SCNN1B: variants seen among roughly 807,000 people sequenced by gnomAD.
SCNN1B encodes sodium channel epithelial 1 subunit beta, also known as epithelial sodium channel subunit beta.
SCNN1B carries 46 observed loss-of-function variants against 65.3 expected under a neutral mutation model. The observed-to-expected ratio is 0.70, with a 90% CI of 0.56 to 0.90. The LOEUF (loss-of-function observed/expected upper bound fraction) is 0.90. Ranked by LOEUF, SCNN1B falls within the 40% of genes least tolerant of loss-of-function variation. SCNN1B has a pLI of 0.00. For missense variants in SCNN1B, 751 were observed against 830.5 expected (o/e 0.90, Z 1.18); for synonymous variants, 349 against 330.6 (o/e 1.06, Z -0.60).
Position 23,352,792 on chromosome 16 carries a change from C to G in SCNN1B, c.312-9C>G. Reference sequence around the variant, plus strand: ...TTCCTTCCCCCTAACCAGCCCTCTCCCCATCCAGGTATTCCAAAATCAAGC... The same window carrying G: ...TTCCTTCCCCCTAACCAGCCCTCTCGCCATCCAGGTATTCCAAAATCAAGC... On this transcript the variant is annotated splice_polypyrimidine_tract_variant and intron_variant, in intron 2 of 12. Coordinates refer to ENST00000343070, the MANE Select transcript of SCNN1B (RefSeq NM_000336.3). 1 of 1,614,100 alleles carries G rather than the reference C, an allele frequency of 6.2e-7. No individual in the cohort carries two copies. The highest frequency in any genetic ancestry group is 8.5e-7 in the Non-Finnish European group (1 of 1,180,008).
At chr16:23,368,625 C>T (rs567598673) in intron 5 of SCNN1B, among the ~76,000 whole-genome samples, 3 of 152,248 alleles carry the variant, frequency 2.0e-5, no homozygotes, top group Admixed American at 6.5e-5. Context: ...TATAGTAAAT[C>T]GTATCTACCG....
rs140556516 is a variant in SCNN1B, at chr16:23,327,421, T to C, written c.-8-21171T>C. The stretch of plus-strand genomic sequence containing the variant: ...GGTGGTGCACGCCTGTAATCCCAGC[T>C]ACTCAGGAGGCTGAAGCAGAGAGAA... On this transcript the variant is annotated intron_variant, in intron 1 of 12. Transcript: ENST00000343070. Among the ~76,000 whole-genome samples the C allele has an allele frequency of 2.7e-4, 41 of 152,104 alleles. No homozygotes were observed. In the East Asian group the frequency reaches 8.0e-3, roughly 30 times the overall value.
chr16:23,278,570 G>A (rs191520133), intron 1 of SCNN1B, among the ~76,000 whole-genome samples: 133 of 152,190 alleles, frequency 8.7e-4, no homozygotes, highest in Non-Finnish European at 1.5e-3. Context: ...AGTGGGAGAC[G>A]GGAGGGGGGT....
intron 2 of SCNN1B, among the ~76,000 whole-genome samples, chr16:23,349,820 G>A (rs768471937): frequency 8.6e-5 from 13 of 151,884 alleles, no homozygotes; most frequent in Non-Finnish European, 1.6e-4. Flanking sequence ...CAACTCAGCC[G>A]GGCACCATGG....
intron 1 of SCNN1B, among the ~76,000 whole-genome samples, chr16:23,337,291 T>C (rs1466669686): frequency 6.6e-6 from 1 of 152,062 alleles, no homozygotes; most frequent in Admixed American, 6.6e-5. Context: ...TGGACTCCAG[T>C]GATCCTCCTG....
chr16:23,361,011 G>A (rs1243017361), intron 4 of SCNN1B, among the ~76,000 whole-genome samples: 1 of 152,046 alleles, frequency 6.6e-6, no homozygotes, highest in Non-Finnish European at 1.5e-5. Flanking sequence ...AGCCAGGATG[G>A]TCTTGATCTC....
At position 23,380,118 on chromosome 16, in the gene SCNN1B, C is replaced by T. The variant is rs773518702; in HGVS notation, c.1491C>T (p.Ile497=). The change falls in exon 12 of 13, where the codon ATC becomes ATT. Residue 497 remains isoleucine (I), a synonymous_variant. Coordinates refer to ENST00000343070, the MANE Select transcript of SCNN1B (RefSeq NM_000336.3). The surrounding 1 kb of genome is among the most constrained non-coding windows in gnomAD (Gnocchi z 5.4). Reference sequence around the variant, plus strand: ...GGAAGGGAATTGTCAAGCTCAACATCTACTTCCAAGAATTTAACTATCGCA... The same window carrying T: ...GGAAGGGAATTGTCAAGCTCAACATTTACTTCCAAGAATTTAACTATCGCA... The part of the protein sequence containing the change: ...LSRKGIVKLN[I]YFQEFNYRTI... 2.5e-6 allele frequency: 4 copies of T among 1,614,126 alleles called. No homozygotes were observed. In the South Asian group the frequency reaches 4.4e-5, roughly 18 times the overall value.
chr16:23,321,888 G>T (rs1961596380), intron 1 of SCNN1B, among the ~76,000 whole-genome samples: 1 of 151,994 alleles, frequency 6.6e-6, no homozygotes, highest in Admixed American at 6.6e-5. Context: ...AGCTGGGCAT[G>T]GTGGTGTGCA....
Position 23,371,790 on chromosome 16 carries a change from C to T in SCNN1B, c.1059C>T (p.Arg353=). ...SIGVLVDKLQ[R]MGEPYSPCTV... ...TCTAAACACAGGACAAGCTTCAGCG[C>T]ATGGGGGAGCCCTACAGCCCGTGCA... The change falls in exon 7 of 13, where the codon CGC becomes CGT. Residue 353 remains arginine (R), a synonymous_variant. Transcript: ENST00000343070. 1 of 1,614,158 alleles carries T rather than the reference C, an allele frequency of 6.2e-7. No homozygotes were observed. Among genetic ancestry groups the T allele is most frequent in the Non-Finnish European group, 8.5e-7 (1 of 1,179,954 alleles).
intron 2 of SCNN1B, among the ~76,000 whole-genome samples, chr16:23,289,395 A>C (rs1960892451): frequency 6.6e-6 from 1 of 152,166 alleles, no homozygotes; most frequent in Non-Finnish European, 1.5e-5. Context: ...TCTCTACAAA[A>C]TATTTTTAAA....
rs764788284 is a variant in SCNN1B at position 23,326,833 on chromosome 16, AG to A, written c.-8-21758del. ...GTTTTGCTACATGGATATACTGCCTAGTGGTGACGTCTGGGTTTTCAGTGTA... is the reference window on the plus strand; with the variant it reads ...GTTTTGCTACATGGATATACTGCCTATGGTGACGTCTGGGTTTTCAGTGTA... On this transcript the variant is annotated intron_variant, in intron 1 of 12. Coordinates refer to ENST00000343070, the MANE Select transcript of SCNN1B (RefSeq NM_000336.3). Among the ~76,000 whole-genome samples the A allele has an allele frequency of 9.0e-4, 137 of 152,244 alleles. 1 individual carries two copies. The highest frequency in any genetic ancestry group is 3.4e-3 in the Middle Eastern group (1 of 294).
intron 1 of SCNN1B, among the ~76,000 whole-genome samples, chr16:23,346,307 A>T (rs928444729): frequency 7.9e-5 from 11 of 139,528 alleles, no homozygotes; most frequent in African/African-American, 2.5e-4. Flanking sequence ...GGCTCACTGC[A>T]ACCTCCACCT....
Position 23,352,102 on chromosome 16 carries a change from G to A in SCNN1B, c.312-699G>A, listed in dbSNP as rs115050166. 2.4e-3 allele frequency among the ~76,000 whole-genome samples: 368 copies of A among 152,356 alleles called. 1 individual carries two copies. Among genetic ancestry groups the A allele is most frequent in the African/African-American group, 7.9e-3 (329 of 41,580 alleles). ...CATGGTAAGCTATCAATAACCATGA[G>A]CCATTACAATTCTTCCTCACTCGAA... On this transcript the variant is annotated intron_variant, in intron 2 of 12. Coordinates refer to ENST00000343070, the MANE Select transcript of SCNN1B (RefSeq NM_000336.3).
upstream of SCNN1B, among the ~76,000 whole-genome samples, chr16:23,301,304 G>A (rs1312062916): frequency 1.3e-5 from 2 of 148,214 alleles, no homozygotes; most frequent in African/African-American, 2.6e-5. Flanking sequence ...GGAGGTTACA[G>A]TGAGCTGAGA....
At chr16:23,305,575 TA>T (rs1567290467) in intron 1 of SCNN1B, among the ~76,000 whole-genome samples, 318 of 29,670 alleles carry the variant, frequency 0.011, 12 homozygotes, top group African/African-American at 0.079. Flanking sequence ...TATATATATA[TA>T]TTATATATAT....
chr16:23,321,092 T>C (rs1961577406), intron 1 of SCNN1B, among the ~76,000 whole-genome samples: 1 of 152,150 alleles, frequency 6.6e-6, no homozygotes, highest in Non-Finnish European at 1.5e-5. Flanking sequence ...TCGCCCAGAC[T>C]GGAGTGCAGT....
At chr16:23,352,325 T>G (rs528426617) in intron 2 of SCNN1B, among the ~76,000 whole-genome samples, 8 of 152,282 alleles carry the variant, frequency 5.3e-5, no homozygotes, top group African/African-American at 1.9e-4. Flanking sequence ...TTATACATAG[T>G]GGCAGCCATG....
At chr16:23,346,200 C>CTTTTTTTTTTT (rs753802362) in intron 1 of SCNN1B, among the ~76,000 whole-genome samples, 933 of 77,972 alleles carry the variant, frequency 0.012, 166 homozygotes, top group African/African-American at 0.037. Context: ...TTTTCCTTTT[C>CTTTTTTTTTTT]TTTTTTTTTT....
intron 7 of SCNN1B, among the ~76,000 whole-genome samples, chr16:23,373,382 C>T (rs186676818): frequency 6.6e-6 from 1 of 152,292 alleles, no homozygotes; most frequent in Admixed American, 6.5e-5. Flanking sequence ...CCCACTCTGG[C>T]CTCCCAAAGT....
Sources: gnomAD v4.1 joint callset for allele counts (sites outside exome capture counted in the v4.1 genomes callset) on GRCh38, gnomAD v4.1.1 for gene constraint, Gnocchi (gnomAD v3.1) non-coding constraint, MANE v1.5 for transcripts, NCBI Gene and HGNC (gene_info 2026-07-23, HGNC 2026-07-21) for gene names.